The following TICAM1 variants were observed in gnomAD, a reference collection of about 807,000 sequenced individuals.
TICAM1 encodes the protein TIR domain containing adaptor molecule 1.
For synonymous variants in TICAM1, 439 were observed against 415.4 expected (o/e 1.06, Z -0.69); for missense variants, 895 against 938.2 (o/e 0.95, Z 0.60).
chr19:4,816,284 C>T lies in TICAM1; in HGVS notation c.2094G>A (p.Gln698=), dbSNP rs1198621893. ...QLGLNNHMWN[Q]RGSQAPEDKT... is the part of the protein sequence containing the mutation. The stretch of plus-strand genomic sequence containing the variant: ...TGTCCTCGGGCGCCTGGGACCCTCT[C>T]TGGTTCCACATGTGGTTGTTCAGCC... The change falls in exon 2 of 2, where the codon CAG becomes CAA. Residue 698 remains glutamine, a synonymous_variant. Transcript: ENST00000248244. The surrounding 1 kb of genome is among the most constrained non-coding windows in gnomAD (Gnocchi z 4.3). 6.6e-7 allele frequency: 1 copy of T among 1,518,588 alleles called. No homozygotes were observed. The highest frequency in any genetic ancestry group is 1.4e-5 in the African/African-American group (1 of 71,664). The allele number at this position is 1,518,588 out of a possible 1,614,324, so 94.1% of individuals were successfully genotyped here. A position where few individuals can be genotyped will look rare whatever the true frequency, so the allele number is the denominator to read the frequency against.
At position 4,816,597 on chromosome 19, in the gene TICAM1, T is replaced by C; in HGVS notation, c.1781A>G (p.His594Arg). 6.2e-7 allele frequency: 1 copy of C among 1,613,756 alleles called. No homozygotes were observed. The highest frequency in any genetic ancestry group is 8.5e-7 in the Non-Finnish European group (1 of 1,180,006). Residue 594 changes from histidine to arginine, a missense_variant, in exon 2 of 2, where the codon CAC (histidine) becomes CGC (arginine). Coordinates refer to ENST00000248244, the MANE Select transcript of TICAM1 (RefSeq NM_182919.4). The surrounding 1 kb of genome is among the most constrained non-coding windows in gnomAD (Gnocchi z 4.3). ...GGGCGCCCCAGTCCCAAATGACATG[T>C]GGCTCCCAAAAGCCACCTGGAGCTG... is the stretch of plus-strand genomic sequence containing the variant. ...MEQLQVAFGS[H>R]MSFGTGAPYG...
chr19:4,827,490 T>C (rs137960047), intron 1 of TICAM1, among the ~76,000 whole-genome samples: 1 of 115,754 alleles, frequency 8.6e-6, no homozygotes, highest in East Asian at 2.5e-4. Context: ...GCGCGGTGGC[T>C]CACGCCTGTA....
intron 1 of TICAM1, among the ~76,000 whole-genome samples, chr19:4,821,091 G>A (rs2093596688): frequency 6.6e-6 from 1 of 151,370 alleles, no homozygotes; most frequent in Non-Finnish European, 1.5e-5. Context: ...AGCTACTTGG[G>A]AGGCTGAGGC....
Position 4,817,587 on chromosome 19 carries a change from G to A in TICAM1, c.791C>T (p.Pro264Leu), listed in dbSNP as rs2093589088. 3 of 1,608,940 alleles carry A rather than the reference G, an allele frequency of 1.9e-6. No homozygotes were observed. In the South Asian group the frequency reaches 3.3e-5, roughly 18 times the overall value. ...AGGTGGGCTGCTTGGCAGCTCTGGT[G>A]GGCTGGCAATCTCCCCCGATGGCGG... is the stretch of plus-strand genomic sequence containing the variant. ...SWPPSGEIAS[P>L]PELPSSPPPG... Residue 264 changes from proline to leucine, a missense_variant, in exon 2 of 2, where the codon CCA becomes CTA. Physicochemically the swap from Pro to Leu is moderately conservative, Grantham distance 98 (BLOSUM62 -3). Coordinates refer to ENST00000248244, the MANE Select transcript of TICAM1 (RefSeq NM_182919.4). This position sits in a 1 kb window ranked among gnomAD's most constrained non-coding sequence, Gnocchi z 4.7.
rs779591355 is a variant in TICAM1 at position 4,816,454 on chromosome 19, G to A, written c.1924C>T (p.Pro642Ser). 1 of 1,554,954 alleles carries A rather than the reference G, an allele frequency of 6.4e-7. No homozygotes were observed. Among genetic ancestry groups the A allele is most frequent in the Non-Finnish European group, 8.7e-7 (1 of 1,152,052 alleles). ...PLHAWQAGTP[P>S]PPSPQPAAFP... ...GCTGCTGGCTGTGGGGAGGGCGGTG[G>A]GGGGGTGCCAGCCTGCCATGCGTGC... The change falls in exon 2 of 2, where the codon CCA becomes TCA. Residue 642 changes from proline (P) to serine (S), a missense_variant. By Grantham distance (74) the Pro-to-Ser change is moderately conservative. Coordinates refer to ENST00000248244, the MANE Select transcript of TICAM1 (RefSeq NM_182919.4). The surrounding 1 kb of genome is among the most constrained non-coding windows in gnomAD (Gnocchi z 4.3).
Position 4,816,488 on chromosome 19 carries a change from C to T in TICAM1, c.1890G>A (p.Pro630=), listed in dbSNP as rs781334655. 1.2e-5 allele frequency: 19 copies of T among 1,555,404 alleles called. No individual in the cohort carries two copies. The highest frequency in any genetic ancestry group is 6.0e-5 in the South Asian group (5 of 83,556). The stretch of plus-strand genomic sequence containing the variant: ...CAGCCTGCCATGCGTGCAGGGGTGG[C>T]GGCTGCGGGCACCCCGGCCAAGTGG... ...PFPTWPGCPQ[P]PPLHAWQAGT... Residue 630 remains proline (P), a synonymous_variant, in exon 2 of 2, where the codon CCG becomes CCA. Coordinates refer to ENST00000248244, the MANE Select transcript of TICAM1 (RefSeq NM_182919.4). The surrounding 1 kb of genome is among the most constrained non-coding windows in gnomAD (Gnocchi z 4.3).
Position 4,817,476 on chromosome 19 carries a change from G to C in TICAM1, c.902C>G (p.Pro301Arg), listed in dbSNP as rs749133560. 1 of 1,613,998 alleles carries C rather than the reference G, an allele frequency of 6.2e-7. No individual in the cohort carries two copies. Among genetic ancestry groups the C allele is most frequent in the African/African-American group, 1.3e-5 (1 of 74,924 alleles). ...PAAPETSTNYPVECTEGSAGP... is the reference protein window; with the variant it reads ...PAAPETSTNYRVECTEGSAGP... ...TGCAGACCCCTCGGTGCACTCCACT[G>C]GGTAGTTGGTGCTGGTTTCTGGAGC... Residue 301 changes from proline (P) to arginine (R), a missense_variant, in exon 2 of 2, where the codon CCA becomes CGA. By Grantham distance (103) the Pro-to-Arg change is moderately radical (BLOSUM62 -2). Coordinates refer to ENST00000248244, the MANE Select transcript of TICAM1 (RefSeq NM_182919.4). This position sits in a 1 kb window ranked among gnomAD's most constrained non-coding sequence, Gnocchi z 4.7.
At chr19:4,828,501 C>T (rs538286602) in intron 1 of TICAM1, among the ~76,000 whole-genome samples, 1 of 151,636 alleles carries the variant, frequency 6.6e-6, no homozygotes, top group East Asian at 2.0e-4. Context: ...GTATGAGCCA[C>T]TGCACCCAGC....
intron 1 of TICAM1, among the ~76,000 whole-genome samples, chr19:4,830,545 A>G (rs2093612323): frequency 6.6e-6 from 1 of 152,142 alleles, no homozygotes; most frequent in African/African-American, 2.4e-5. Context: ...TGCATCGAAT[A>G]TGCATTTATT....
intron 1 of TICAM1, among the ~76,000 whole-genome samples, chr19:4,820,483 G>A (rs1010638673): frequency 6.6e-6 from 1 of 151,620 alleles, no homozygotes; most frequent in South Asian, 2.1e-4. Context: ...CCAGCTACTC[G>A]GGAGGCTAAG....
At chr19:4,828,702 CTTT>C (rs10706023) in intron 1 of TICAM1, among the ~76,000 whole-genome samples, 16 of 124,622 alleles carry the variant, frequency 1.3e-4, no homozygotes, top group African/African-American at 4.0e-4. Flanking sequence ...CCCAGATAAT[CTTT>C]TTTTTTTTTT....
rs1352933258 is a variant in TICAM1 at position 4,818,125 on chromosome 19, C to G, written c.253G>C (p.Asp85His). 1 of 1,608,910 alleles carries G rather than the reference C, an allele frequency of 6.2e-7. No individual in the cohort carries two copies. Among genetic ancestry groups the G allele is most frequent in the Non-Finnish European group, 8.5e-7 (1 of 1,179,762 alleles). ...RQWAGVDSTE[D>H]PEEPPDVSWA... ...GACACATCTGGGGGCTCCTCTGGGT[C>G]CTCGGTGCTGTCCACGCCAGCCCAC... The change falls in exon 2 of 2, where the codon GAC becomes CAC. Residue 85 changes from aspartate (D) to histidine (H), a missense_variant. Physicochemically the swap from Asp to His is moderately conservative, Grantham distance 81. Transcript: ENST00000248244. This position sits in a 1 kb window ranked among gnomAD's most constrained non-coding sequence, Gnocchi z 4.0.
Position 4,818,071 on chromosome 19 carries a change from G to T in TICAM1, c.307C>A (p.Leu103Met). 6.2e-7 allele frequency: 1 copy of T among 1,607,736 alleles called. No individual in the cohort carries two copies. Residue 103 changes from leucine to methionine, a missense_variant, in exon 2 of 2, where the codon CTG becomes ATG. Coordinates refer to ENST00000248244, the MANE Select transcript of TICAM1 (RefSeq NM_182919.4). This position sits in a 1 kb window ranked among gnomAD's most constrained non-coding sequence, Gnocchi z 4.0. The part of the protein sequence containing the change: ...SWAVARLYHL[L>M]AEEKLCPASL... ...GCGGGGCACAGCTTCTCCTCAGCCA[G>T]CAGGTGGTACAAGCGGGCCACAGCC...
intron 1 of TICAM1, among the ~76,000 whole-genome samples, chr19:4,822,884 G>A (rs948507476): frequency 3.7e-4 from 57 of 152,224 alleles, no homozygotes; most frequent in Middle Eastern, 3.4e-3. Flanking sequence ...GCTATTATGG[G>A]TTCAATCGTG....
chr19:4,829,211 CAAG>C (rs2093610295), intron 1 of TICAM1, among the ~76,000 whole-genome samples: 2 of 152,170 alleles, frequency 1.3e-5, no homozygotes, highest in South Asian at 4.1e-4. Flanking sequence ...AACCTCCTTG[CAAG>C]AAGGACTCAG....
chr19:4,827,946 C>T (rs1164181966), intron 1 of TICAM1, among the ~76,000 whole-genome samples: 2 of 151,922 alleles, frequency 1.3e-5, no homozygotes, highest in Non-Finnish European at 2.9e-5. Flanking sequence ...GTATAACTTA[C>T]CAAGCAAAAA....
chr19:4,823,727 C>T (rs1200928880), intron 1 of TICAM1, among the ~76,000 whole-genome samples: 1 of 152,078 alleles, frequency 6.6e-6, no homozygotes, highest in Non-Finnish European at 1.5e-5. Flanking sequence ...AGAAGGCGGC[C>T]GTCTGCAAGC....
intron 1 of TICAM1, among the ~76,000 whole-genome samples, chr19:4,819,731 C>A (rs776029018): frequency 6.6e-6 from 1 of 151,764 alleles, no homozygotes; most frequent in South Asian, 2.1e-4. Context: ...AAAAATTAGC[C>A]GGGTGTGGTG....
Position 4,816,827 on chromosome 19 carries a change from G to A in TICAM1, c.1551C>T (p.Ser517=). ...TGGCCACCTTCCTGGCGAAGATCTGGGAGTGTTCGTCCAGCCGCACCAGCC... is the reference window on the plus strand; with the variant it reads ...TGGCCACCTTCCTGGCGAAGATCTGAGAGTGTTCGTCCAGCCGCACCAGCC... ...LSGLVRLDEH[S]QIFARKVANT... is the part of the protein sequence containing the mutation. The change falls in exon 2 of 2, where the codon TCC becomes TCT. Residue 517 remains serine (S), a synonymous_variant. Coordinates refer to ENST00000248244, the MANE Select transcript of TICAM1 (RefSeq NM_182919.4). The surrounding 1 kb of genome is among the most constrained non-coding windows in gnomAD (Gnocchi z 4.3). 6.2e-7 allele frequency: 1 copy of A among 1,612,746 alleles called. No homozygotes were observed. The highest frequency in any genetic ancestry group is 8.5e-7 in the Non-Finnish European group (1 of 1,180,016).
Sources: allele counts gnomAD v4.1 joint callset (sites outside exome capture counted in the v4.1 genomes callset), GRCh38; gene constraint gnomAD v4.1.1; non-coding constraint Gnocchi (gnomAD v3.1); transcripts MANE v1.5; gene names NCBI Gene and HGNC (gene_info 2026-07-23, HGNC 2026-07-21).